The following GNAT2 variants were observed in gnomAD, a reference collection of about 807,000 sequenced individuals.
GNAT2 encodes G protein subunit alpha transducin 2.
GNAT2 carries 32 observed loss-of-function variants against 40.9 expected under a neutral mutation model. The ratio of observed to expected loss-of-function variants is 0.78; its 90% CI spans 0.59 to 1.05. GNAT2 has a LOEUF of 1.05. Ranked by LOEUF, GNAT2 falls within the 50% of genes least tolerant of loss-of-function variation. The pLI, the probability that GNAT2 is intolerant of heterozygous loss-of-function variation, is 0.00. For synonymous variants in GNAT2, 141 were observed against 157.2 expected (o/e 0.90, Z 0.77); for missense variants, 355 against 431.5 (o/e 0.82, Z 1.57).
chr1:109,608,590 T>C (rs189702228), intron 5 of GNAT2, 41 bp downstream of exon 5: 16 of 1,592,496 alleles, frequency 1.0e-5, no homozygotes, highest in South Asian at 5.5e-5. Flanking sequence ...GGCTAGAAGA[T>C]TGCTTAAGCA....
At chr1:109,604,666 A>G (rs1570561479) in intron 7 of GNAT2, 2 of 160,692 alleles carry the variant, frequency 1.2e-5, no homozygotes, top group East Asian at 1.8e-4. Flanking sequence ...CTGCTCTCTC[A>G]TTTCCTTCTC....
At chr1:109,607,743 T>C (rs1649656044) in intron 5 of GNAT2, 1 of 152,242 alleles carries the variant, frequency 6.6e-6, no homozygotes, top group South Asian at 2.1e-4. Context: ...TACATGACCT[T>C]GGGCAGTTAA....
chr1:109,610,703 C>T (rs1649768086), intron 2 of GNAT2, 196 bp from the exon 3 acceptor site: 2 of 648,726 alleles, frequency 3.1e-6, no homozygotes, highest in Non-Finnish European at 5.6e-6. Context: ...AGTTTCTTAA[C>T]TTCAGTACTA....
At chr1:109,614,523 A>G (rs1398183951) in intron 1 of GNAT2, 1 of 152,252 alleles carries the variant, frequency 6.6e-6, no homozygotes, top group Non-Finnish European at 1.5e-5. Flanking sequence ...GTACAGTGGC[A>G]TTTACCTGGA....
intron 5 of GNAT2, chr1:109,608,296 A>G: frequency 2.6e-6 from 1 of 387,572 alleles, no homozygotes; most frequent in Non-Finnish European, 4.9e-6. Context: ...AGGGTTCTGG[A>G]AGGAGAGGCT....
At chr1:109,615,608 GAAAA>G (rs756793113) in intron 1 of GNAT2, 5 of 58,488 alleles carry the variant, frequency 8.5e-5, no homozygotes, top group African/African-American at 2.0e-4. Flanking sequence ...TTCCGTCTCA[GAAAA>G]AAAAAAAAAA....
chr1:109,614,245 G>A (rs1178034618), intron 1 of GNAT2: 2 of 152,176 alleles, frequency 1.3e-5, no homozygotes, highest in Non-Finnish European at 2.9e-5. Context: ...TAAAGATTGG[G>A]AAGTACTGCC....
chr1:109,609,978 G>T (rs1292917112), intron 4 of GNAT2, 62 bp downstream of exon 4: 7 of 1,499,508 alleles, frequency 4.7e-6, no homozygotes, highest in East Asian at 2.3e-5. Flanking sequence ...TTGGCCTCTG[G>T]TATGTTTCTT....
chr1:109,604,043 G>C lies in GNAT2; in HGVS notation c.782C>G (p.Ala261Gly). The change falls in exon 8 of 9, where the codon GCT becomes GGT. Residue 261 changes from alanine (A) to glycine (G), a missense_variant. Ala to Gly is a moderately conservative substitution (Grantham distance 60). Coordinates refer to ENST00000679935, the MANE Select transcript of GNAT2 (RefSeq NM_001377295.2). ...NSICNHKFFAATSIVLFLNKK... is the reference protein window; with the variant it reads ...NSICNHKFFAGTSIVLFLNKK... ...GTTGAGAAAGAGGACAATGGAAGTA[G>C]CCGCAAAGAATTTGTGGTTACATAT... The C allele has an allele frequency of 6.2e-7, 1 of 1,607,664 alleles. No individual in the cohort carries two copies.
intron 1 of GNAT2, chr1:109,613,793 C>T (rs1649869863): frequency 1.3e-5 from 2 of 152,220 alleles, no homozygotes; most frequent in Non-Finnish European, 2.9e-5. Flanking sequence ...GTCCCAACTT[C>T]ACTTCATAAA....
chr1:109,604,136 G>C, intron 7 of GNAT2, 32 bp from the exon 8 acceptor site: 1 of 1,575,916 alleles, frequency 6.3e-7, no homozygotes, highest in Non-Finnish European at 8.7e-7. Context: ...GGAAATATCA[G>C]ATTTGGCTTA....
intron 1 of GNAT2, chr1:109,614,582 C>A (rs975141830): frequency 6.6e-6 from 1 of 152,160 alleles, no homozygotes; most frequent in Admixed American, 6.5e-5. Flanking sequence ...GCAGTCCAGG[C>A]ACAAGGATTT....
intron 5 of GNAT2, chr1:109,607,947 T>G (rs1207804434): frequency 6.2e-6 from 1 of 161,394 alleles, no homozygotes; most frequent in African/African-American, 2.4e-5. Context: ...AGGAGACAGA[T>G]GGTTAGGTTA....
intron 7 of GNAT2, chr1:109,605,502 G>A (rs899529310): frequency 1.8e-5 from 5 of 272,736 alleles, no homozygotes; most frequent in South Asian, 4.0e-5. Flanking sequence ...AAACTCCTAC[G>A]GACAGTACAT....
Position 109,610,409 on chromosome 1 carries a change from T to C in GNAT2, c.161+56A>G, listed in dbSNP as rs552327370. 3.3e-6 allele frequency: 5 copies of C among 1,527,656 alleles called. No individual in the cohort carries two copies. The South Asian group carries it at 4.5e-5, about 14-fold the overall frequency. 94.6% of individuals were successfully genotyped at this position (1,527,656 alleles called of 1,614,324 possible). ...AGCCTTTCACTTTGAATACCTCCAC[T>C]GGCTGTACTGACTTCTTCACCCTAT... On this transcript the variant is annotated intron_variant, in intron 3 of 8. Transcript: ENST00000679935.
chr1:109,613,079 C>T (rs1649852077), intron 1 of GNAT2, 156 bp from the exon 2 acceptor site: 1 of 610,618 alleles, frequency 1.6e-6, no homozygotes, highest in Admixed American at 2.5e-5. Flanking sequence ...CAACTGGAGA[C>T]CTACTTCTTA....
At position 109,612,817 on chromosome 1, in the gene GNAT2, C is replaced by G; in HGVS notation, c.54G>C (p.Glu18Asp). 6.2e-7 allele frequency: 1 copy of G among 1,613,728 alleles called. No individual in the cohort carries two copies. The highest frequency in any genetic ancestry group is 1.1e-5 in the South Asian group (1 of 91,072). ...EDKELAKRSK[E>D]LEKKLQEDAD... ...CATCCTCCTGCAGCTTCTTTTCTAG[C>G]TCCTTGGACCTCTTGGCCAGTTCTT... The change falls in exon 2 of 9, where the codon GAG becomes GAC. Residue 18 changes from glutamate (E) to aspartate (D), a missense_variant. Transcript: ENST00000679935.
At position 109,604,058 on chromosome 1, in the gene GNAT2, T is replaced by G; in HGVS notation, c.767A>C (p.His256Pro). Residue 256 changes from histidine to proline, a missense_variant, in exon 8 of 9, where the codon CAC becomes CCC. His to Pro is a moderately conservative substitution (Grantham distance 77). Transcript: ENST00000679935. Reference protein sequence around the residue: ...SLHLFNSICNHKFFAATSIVL... With the variant: ...SLHLFNSICNPKFFAATSIVL... ...AATGGAAGTAGCCGCAAAGAATTTG[T>G]GGTTACATATGCTGTTGAACAGATG... The G allele has an allele frequency of 6.2e-7, 1 of 1,609,578 alleles. No individual in the cohort carries two copies.
chr1:109,610,708 G>A (rs2101128757), intron 2 of GNAT2: 1 of 638,472 alleles, frequency 1.6e-6, no homozygotes, highest in South Asian at 1.8e-5. Flanking sequence ...CTTAACTTCA[G>A]TACTATTTAG....
Sources: gnomAD v4.1 joint callset for allele counts on GRCh38, gnomAD v4.1.1 for gene constraint, MANE v1.5 for transcripts, NCBI Gene and HGNC (gene_info 2026-07-23, HGNC 2026-07-21) for gene names.